MACF1: variants seen among roughly 807,000 people sequenced by gnomAD.
MACF1 encodes the protein microtubule actin crosslinking factor 1.
In MACF1, 193 loss-of-function variants were observed where a neutral mutation model predicts 854.8. The observed-to-expected ratio is 0.23, with a 90% CI of 0.20 to 0.25. The LOEUF (loss-of-function observed/expected upper bound fraction) is 0.25, where lower values mean the gene tolerates loss of function less well. Among genes scored for constraint, MACF1 ranks in the 10% least tolerant of loss-of-function variants. The pLI is 1.00. For synonymous variants in MACF1, 3,185 were observed against 3,226.7 expected, an observed-to-expected ratio of 0.99 and a Z score of 0.44; for missense variants, 7,722 against 8,929.1, an observed-to-expected ratio of 0.86 and a Z score of 5.45.
intron 6 of MACF1, chr1:39,269,197 C>G: frequency 7.8e-7 from 1 of 1,289,974 alleles, no homozygotes. Flanking sequence ...GTGGAATTTC[C>G]TAGGACAGCA....
intron 36 of MACF1, chr1:39,328,429 C>G (rs1646656760): frequency 6.6e-6 from 1 of 152,104 alleles, no homozygotes; most frequent in Admixed American, 6.6e-5. Flanking sequence ...CTGCTGAGCA[C>G]CACTACATTG....
At chr1:39,301,057 T>G (rs756882115) in intron 22 of MACF1, among the ~76,000 whole-genome samples, 39 of 152,324 alleles carry the variant, frequency 2.6e-4, no homozygotes, top group Non-Finnish European at 5.1e-4. Flanking sequence ...TGGATTATTG[T>G]GTCAGCCTCC....
At chr1:39,304,572 T>C in intron 23 of MACF1, 1 of 870,170 alleles carries the variant, frequency 1.1e-6, no homozygotes, top group Non-Finnish European at 1.8e-6. Context: ...TTTCTTTTTT[T>C]TTTTTTCTTG....
At chr1:39,485,335 A>G (rs1028147057) in intron 100 of MACF1, 6 of 597,016 alleles carry the variant, frequency 1.0e-5, no homozygotes, top group African/African-American at 7.5e-5. Context: ...GTGGCTTTCT[A>G]ATCCCCAGGA....
At chr1:39,132,018 C>G (rs1420273749) in intron 2 of MACF1, among the ~76,000 whole-genome samples, 2 of 152,186 alleles carry the variant, frequency 1.3e-5, no homozygotes, top group African/African-American at 2.4e-5. Flanking sequence ...AGTGTTCCAT[C>G]TGACTACCTT....
intron 2 of MACF1, among the ~76,000 whole-genome samples, chr1:39,247,561 A>G (rs938796757): frequency 1.3e-5 from 2 of 152,094 alleles, no homozygotes; most frequent in Admixed American, 1.3e-4. Context: ...GTGCTACTGT[A>G]TATTTCTTCC....
intron 58 of MACF1, among the ~76,000 whole-genome samples, chr1:39,393,905 AAAG>A (rs1462850842): frequency 4.6e-5 from 7 of 151,944 alleles, no homozygotes; most frequent in East Asian, 1.9e-4. Flanking sequence ...GAAGGAAAGA[AAAG>A]AAAGAAAGAG....
At position 39,331,724 on chromosome 1, in the gene MACF1, T is replaced by A; in HGVS notation, c.5136T>A (p.Asp1712Glu). The A allele has an allele frequency of 6.2e-7, 1 of 1,614,206 alleles. No homozygotes were observed. The highest frequency in any genetic ancestry group is 8.5e-7 in the Non-Finnish European group (1 of 1,180,032). The change falls in exon 37 of 101, where the codon GAT becomes GAA. Residue 1712 changes from aspartate to glutamate, a missense_variant. Asp to Glu is a conservative substitution (Grantham distance 45). Coordinates refer to ENST00000564288, the MANE Select transcript of MACF1 (RefSeq NM_001394062.1). The stretch of plus-strand genomic sequence containing the variant: ...CAGCTGAGAAAATTGGTTTGCTGGA[T>A]CTGATGCAGCGATGTATTGTCCACC... ...PNTAEKIGLL[D>E]LMQRCIVHQE...
chr1:39,453,085 A>G (rs1051060866), intron 87 of MACF1, among the ~76,000 whole-genome samples: 5 of 152,258 alleles, frequency 3.3e-5, no homozygotes, highest in African/African-American at 1.2e-4. Context: ...AATGTTGACT[A>G]TTTCATCTTC....
intron 58 of MACF1, among the ~76,000 whole-genome samples, chr1:39,400,482 CTT>C (rs201840144): frequency 9.8e-5 from 14 of 143,476 alleles, no homozygotes; most frequent in African/African-American, 3.6e-4. Context: ...ATTGTGAAAT[CTT>C]TTTTTTTTTC....
At chr1:39,254,102 T>C in intron 4 of MACF1, 196 bp from the exon 5 acceptor site, 2 of 562,874 alleles carry the variant, frequency 3.6e-6, no homozygotes, top group Admixed American at 6.2e-5. Context: ...ACACAAGACA[T>C]TTGGGGACCT....
At chr1:39,297,218 G>A (rs552992672) in intron 20 of MACF1, among the ~76,000 whole-genome samples, 2 of 152,198 alleles carry the variant, frequency 1.3e-5, no homozygotes, top group South Asian at 2.1e-4. Flanking sequence ...GAGCCACCGC[G>A]CCTGGCCTTT....
At chr1:39,254,738 G>T (rs1456017716) in intron 5 of MACF1, 5 of 246,476 alleles carry the variant, frequency 2.0e-5, no homozygotes, top group Non-Finnish European at 4.0e-5. Flanking sequence ...CTATATCAAG[G>T]TGAAAATGAG....
chr1:39,180,631 A>G (rs1644092271), intron 2 of MACF1, among the ~76,000 whole-genome samples: 1 of 152,114 alleles, frequency 6.6e-6, no homozygotes, highest in Admixed American at 6.6e-5. Flanking sequence ...CACACACACA[A>G]AGAAGATGTA....
At chr1:39,240,894 A>C (rs907394409) in intron 2 of MACF1, among the ~76,000 whole-genome samples, 1 of 152,214 alleles carries the variant, frequency 6.6e-6, no homozygotes, top group Non-Finnish European at 1.5e-5. Flanking sequence ...GAATTCTCAA[A>C]ACAGAGATAT....
chr1:39,450,565 G>A (rs1397464713), intron 84 of MACF1, among the ~76,000 whole-genome samples: 1 of 148,710 alleles, frequency 6.7e-6, no homozygotes, highest in Non-Finnish European at 1.5e-5. Flanking sequence ...AGGGTGGTTT[G>A]ATTTAAAATG....
At chr1:39,439,776 T>C (rs1385374566) in intron 72 of MACF1, among the ~76,000 whole-genome samples, 2 of 152,108 alleles carry the variant, frequency 1.3e-5, no homozygotes, top group Non-Finnish European at 2.9e-5. Flanking sequence ...TGGCTAATTT[T>C]TGTATTTTTA....
At chr1:39,115,483 G>A (rs1642520104) in intron 2 of MACF1, among the ~76,000 whole-genome samples, 2 of 152,138 alleles carry the variant, frequency 1.3e-5, no homozygotes, top group African/African-American at 4.8e-5. Context: ...AATATAAGAG[G>A]AGGAAGGTTA....
In MACF1 at chr1:39,134,095, C is replaced by T. The variant is rs1489838140; in HGVS notation, c.220+49657C>T. On this transcript the variant is annotated intron_variant, in intron 2 of 93. Coordinates refer to the MACF1 transcript ENST00000361689. ...TCGCTCTGTCCGCCAGGCTAGAGTG[C>T]AGTGGCGGGATCTCAGCTCACTGCA... Among the ~76,000 whole-genome samples the T allele has an allele frequency of 4.0e-5, 5 of 124,070 alleles. No homozygotes were observed. The Admixed American group carries it at 4.4e-4, about 11-fold the overall frequency. The allele number at this position is 124,070 out of a possible 152,430, so 81.4% of individuals were successfully genotyped here.
Sources: gnomAD v4.1 joint callset for allele counts (sites outside exome capture counted in the v4.1 genomes callset) on GRCh38, gnomAD v4.1.1 for gene constraint, MANE v1.5 for transcripts, NCBI Gene and HGNC (gene_info 2026-07-23, HGNC 2026-07-21) for gene names.